The following ME3 variants were observed in gnomAD, a reference collection of about 807,000 sequenced individuals.
The protein encoded by ME3 is NADP-dependent malic enzyme, mitochondrial.
In ME3, 48 loss-of-function variants were observed where a neutral mutation model predicts 68.9. The ratio of observed to expected loss-of-function variants is 0.70; its 90% CI spans 0.55 to 0.89. The LOEUF is 0.89. Ranked by LOEUF, ME3 falls within the 40% of genes least tolerant of loss-of-function variation. The pLI, the probability that ME3 is intolerant of heterozygous loss-of-function variation, is 0.00. For missense variants in ME3, 675 were observed against 797.4 expected (o/e 0.85, Z 1.85); for synonymous variants, 320 against 318.8 (o/e 1.00, Z -0.04).
At chr11:86,480,904 C>T (rs552210446) in intron 7 of ME3, among the ~76,000 whole-genome samples, 41 of 152,170 alleles carry the variant, frequency 2.7e-4, no homozygotes, top group South Asian at 1.5e-3. Context: ...AATGTAGGTC[C>T]CTGCTGATAA....
At chr11:86,448,255 C>T (rs779293113) in exon 11 of ME3, 10 of 1,612,036 alleles carry the variant, frequency 6.2e-6, no homozygotes, top group African/African-American at 1.3e-5. Flanking sequence ...TGGCTCCTCC[C>T]CTACAGGAAA....
intron 2 of ME3, among the ~76,000 whole-genome samples, chr11:86,670,092 G>A (rs1276552837): frequency 1.3e-5 from 2 of 152,148 alleles, no homozygotes; most frequent in South Asian, 2.1e-4. Context: ...GGCTCTGACC[G>A]GCTTTAATTA....
At chr11:86,464,813 C>T (rs1056607477) in intron 8 of ME3, among the ~76,000 whole-genome samples, 4 of 152,232 alleles carry the variant, frequency 2.6e-5, no homozygotes, top group Admixed American at 6.5e-5. Flanking sequence ...TAGTGAATTA[C>T]AGCATTGTTT....
chr11:86,621,801 G>C (rs1943366595), intron 2 of ME3, among the ~76,000 whole-genome samples: 1 of 151,994 alleles, frequency 6.6e-6, no homozygotes, highest in South Asian at 2.1e-4. Flanking sequence ...GGGAAGGTCT[G>C]AGGAGATTTG....
intron 2 of ME3, among the ~76,000 whole-genome samples, chr11:86,651,572 T>C (rs1462167824): frequency 6.6e-6 from 1 of 152,150 alleles, no homozygotes; most frequent in Non-Finnish European, 1.5e-5. Flanking sequence ...AGAAAGGACA[T>C]CCACACCAAA....
chr11:86,542,818 A>C (rs542014516), intron 4 of ME3, among the ~76,000 whole-genome samples: 2 of 152,118 alleles, frequency 1.3e-5, no homozygotes, highest in Non-Finnish European at 2.9e-5. Context: ...ACAAAGATAC[A>C]CCTCAAGAAG....
chr11:86,644,598 C>T (rs930663116), intron 2 of ME3, among the ~76,000 whole-genome samples: 5 of 152,226 alleles, frequency 3.3e-5, no homozygotes, highest in East Asian at 1.9e-4. Context: ...AAGCTGTTCC[C>T]TCTGCCCCAA....
At chr11:86,534,081 G>GTGTGTGTATATA (rs1361825219) in intron 4 of ME3, among the ~76,000 whole-genome samples, 1 of 127,508 alleles carries the variant, frequency 7.8e-6, no homozygotes, top group African/African-American at 3.2e-5. Flanking sequence ...GTGTGTGTGT[G>GTGTGTGTATATA]TATATATATA....
At chr11:86,607,129 C>T (rs1961782402) in intron 2 of ME3, among the ~76,000 whole-genome samples, 1 of 152,170 alleles carries the variant, frequency 6.6e-6, no homozygotes, top group South Asian at 2.1e-4. Flanking sequence ...CTAAGTGCAG[C>T]ACTGCTTCCT....
At chr11:86,657,800 C>T (rs769573614) in intron 2 of ME3, among the ~76,000 whole-genome samples, 3 of 152,134 alleles carry the variant, frequency 2.0e-5, no homozygotes, top group Non-Finnish European at 4.4e-5. Flanking sequence ...CTAGATTGTA[C>T]ACTCAGCAAT....
intron 4 of ME3, among the ~76,000 whole-genome samples, chr11:86,545,320 G>A (rs950728760): frequency 1.3e-5 from 2 of 152,144 alleles, no homozygotes; most frequent in Non-Finnish European, 2.9e-5. Flanking sequence ...TCTGGCCAGG[G>A]CAATCAGGCA....
intron 8 of ME3, among the ~76,000 whole-genome samples, chr11:86,456,053 A>G (rs780755746): frequency 2.0e-5 from 3 of 152,198 alleles, no homozygotes; most frequent in Non-Finnish European, 4.4e-5. Context: ...CTCTCCGCCC[A>G]TAAAACTCTC....
At chr11:86,482,073 G>A (rs1951443871) in intron 7 of ME3, among the ~76,000 whole-genome samples, 1 of 152,186 alleles carries the variant, frequency 6.6e-6, no homozygotes, top group African/African-American at 2.4e-5. Flanking sequence ...ATAGGACACA[G>A]TTCAGAAAAC....
chr11:86,471,969 C>A (rs1950807273), intron 7 of ME3, among the ~76,000 whole-genome samples: 1 of 152,146 alleles, frequency 6.6e-6, no homozygotes, highest in African/African-American at 2.4e-5. Context: ...GTGCCAGGTA[C>A]ATGGGAAGCC....
At chr11:86,529,034 C>A (rs1277365586) in intron 4 of ME3, among the ~76,000 whole-genome samples, 2 of 151,922 alleles carry the variant, frequency 1.3e-5, no homozygotes, top group Non-Finnish European at 2.9e-5. Context: ...GAGAGAGACA[C>A]AAAAAACCCC....
intron 13 of ME3, 149 bp downstream of exon 13, chr11:86,446,165 A>G (rs1392573006): frequency 8.4e-6 from 7 of 835,244 alleles, no homozygotes; most frequent in Non-Finnish European, 1.3e-5. Context: ...CAAGGTGGCC[A>G]TGAGAGATGC....
intron 2 of ME3, among the ~76,000 whole-genome samples, chr11:86,597,348 A>G (rs1403055586): frequency 6.6e-6 from 1 of 152,254 alleles, no homozygotes; most frequent in African/African-American, 2.4e-5. Context: ...GACAGTTAGC[A>G]GCTTAACAAT....
At chr11:86,457,781 G>C (rs762255841) in intron 8 of ME3, 1 of 1,261,822 alleles carries the variant, frequency 7.9e-7, no homozygotes, top group Non-Finnish European at 1.0e-6. Context: ...AAAAGAAAAA[G>C]AAGTTTTTTT....
chr11:86,446,013 A>G (rs1444581020), intron 13 of ME3, among the ~76,000 whole-genome samples: 1 of 152,114 alleles, frequency 6.6e-6, no homozygotes, highest in Non-Finnish European at 1.5e-5. Context: ...TCTTCTGTCT[A>G]GGCATCTAGA....
Sources: allele counts gnomAD v4.1 joint callset (sites outside exome capture counted in the v4.1 genomes callset), GRCh38; gene constraint gnomAD v4.1.1; transcripts MANE v1.5; gene names NCBI Gene and HGNC (gene_info 2026-07-23, HGNC 2026-07-21).